HEATR5B: variants seen among roughly 807,000 people sequenced by gnomAD.
HEATR5B encodes the protein HEAT repeat containing 5B, also known as HEAT repeat-containing protein 5B.
Under a neutral mutation model 224.1 loss-of-function variants are expected in HEATR5B, and 156 were observed. The observed-to-expected ratio is 0.70, with a 90% confidence interval of 0.61 to 0.80. The LOEUF (loss-of-function observed/expected upper bound fraction) is 0.80. Ranked by LOEUF, HEATR5B falls within the 30% of genes least tolerant of loss-of-function variation. The probability of loss-of-function intolerance (pLI) is 0.00; values close to 1 mark genes in which losing one functional copy is unlikely to be tolerated. For synonymous variants in HEATR5B, 1,027 were observed against 893.0 expected, an observed-to-expected ratio of 1.15 and a Z score of -2.68; for missense variants, 2,323 against 2,535.5, an observed-to-expected ratio of 0.92 and a Z score of 1.80.
intron 18 of HEATR5B, among the ~76,000 whole-genome samples, chr2:37,044,031 T>A (rs1272186195): frequency 6.6e-6 from 1 of 152,150 alleles, no homozygotes; most frequent in Non-Finnish European, 1.5e-5. Context: ...ACTCAATATA[T>A]CCAAAATATT....
intron 17 of HEATR5B, among the ~76,000 whole-genome samples, chr2:37,052,045 C>T (rs1670589141): frequency 1.3e-5 from 2 of 152,112 alleles, no homozygotes; most frequent in Non-Finnish European, 2.9e-5. Context: ...CAGCCCCAAA[C>T]CCTTATTTCT....
At chr2:37,054,056 G>GA (rs756830404) in intron 16 of HEATR5B, among the ~76,000 whole-genome samples, 6 of 150,768 alleles carry the variant, frequency 4.0e-5, no homozygotes, top group South Asian at 2.1e-4. Flanking sequence ...AAGCTTTTGG[G>GA]AAAGTTCAAA....
At chr2:37,015,197 T>G (rs2148420479) in intron 26 of HEATR5B, among the ~76,000 whole-genome samples, 1 of 152,210 alleles carries the variant, frequency 6.6e-6, no homozygotes, top group Admixed American at 6.5e-5. Flanking sequence ...GAGGAAGAGA[T>G]GTGATTAGGA....
At chr2:37,004,439 T>C (rs1037899274) in intron 30 of HEATR5B, among the ~76,000 whole-genome samples, 1 of 151,180 alleles carries the variant, frequency 6.6e-6, no homozygotes, top group African/African-American at 2.4e-5. Context: ...TTATCACATG[T>C]CCCCCCTGCA....
chr2:37,052,212 A>T (rs1670602943), intron 17 of HEATR5B, among the ~76,000 whole-genome samples: 1 of 152,210 alleles, frequency 6.6e-6, no homozygotes, highest in Non-Finnish European at 1.5e-5. Context: ...ACACTTTATG[A>T]TAGAGTGCCT....
At chr2:37,008,961 T>A in intron 27 of HEATR5B, 113 bp from the exon 28 acceptor site, 1 of 800,400 alleles carries the variant, frequency 1.2e-6, no homozygotes, top group Non-Finnish European at 2.0e-6. Context: ...GTATAGATAT[T>A]AGAAAGTATA....
intron 18 of HEATR5B, among the ~76,000 whole-genome samples, chr2:37,048,805 A>G (rs955692249): frequency 2.6e-5 from 4 of 152,198 alleles, no homozygotes; most frequent in African/African-American, 9.6e-5. Context: ...TTACCAAATA[A>G]CGAATCAAAT....
At chr2:36,984,472 T>C (rs900679511) in intron 35 of HEATR5B, among the ~76,000 whole-genome samples, 1 of 151,764 alleles carries the variant, frequency 6.6e-6, no homozygotes, top group African/African-American at 2.4e-5. Context: ...GGGATTTTAT[T>C]TGGTTGGTTA....
At chr2:37,032,891 T>A (rs1669224384) in intron 21 of HEATR5B, 118 bp from the exon 22 acceptor site, 1 of 929,512 alleles carries the variant, frequency 1.1e-6, no homozygotes, top group Non-Finnish European at 1.5e-6. Flanking sequence ...TTTGTTTTTT[T>A]TTTTTTGAGA....
rs777717770 is a variant in HEATR5B, at chr2:37,002,301, C to T, written c.5317+5G>A. The T allele has an allele frequency of 3.4e-5, 55 of 1,613,934 alleles. No individual in the cohort carries two copies. In the Middle Eastern group the frequency reaches 1.3e-3, roughly 39 times the overall value. On this transcript the variant is annotated splice_donor_5th_base_variant and intron_variant, in intron 32 of 35. Transcript: ENST00000233099. The stretch of plus-strand genomic sequence containing the variant: ...TGCATTTCCAAATACTGATCAATAC[C>T]GTACCAGCGGGTGAACAAAGGGATG...
rs1257235848 is a variant in HEATR5B at position 37,049,584 on chromosome 2, C to T, written c.2696+69G>A. On this transcript the variant is annotated intron_variant, in intron 18 of 35. Coordinates refer to ENST00000233099, the MANE Select transcript of HEATR5B (RefSeq NM_019024.3). ...GTATACCATGTGGAAAACATAAACTCCAGTTGATTATTATTTAAAAGACAT... is the reference window on the plus strand; with the variant it reads ...GTATACCATGTGGAAAACATAAACTTCAGTTGATTATTATTTAAAAGACAT... 3.0e-6 allele frequency: 4 copies of T among 1,342,070 alleles called. No homozygotes were observed. In the African/African-American group the frequency reaches 4.4e-5, roughly 15 times the overall value. 83.1% of individuals were successfully genotyped at this position (1,342,070 alleles called of 1,614,324 possible).
chr2:37,024,001 T>G (rs1176050448), intron 24 of HEATR5B, among the ~76,000 whole-genome samples: 1 of 152,172 alleles, frequency 6.6e-6, no homozygotes, highest in Admixed American at 6.5e-5. Flanking sequence ...AACTGAGATA[T>G]GAACCAACCT....
intron 18 of HEATR5B, 82 bp downstream of exon 18, chr2:37,049,571 G>C: frequency 8.0e-7 from 1 of 1,249,932 alleles, no homozygotes; most frequent in South Asian, 1.3e-5. Context: ...ATACCATGTG[G>C]AAAACATAAA....
At chr2:36,999,391 A>G (rs1666939461) in intron 33 of HEATR5B, among the ~76,000 whole-genome samples, 1 of 152,092 alleles carries the variant, frequency 6.6e-6, no homozygotes, top group Non-Finnish European at 1.5e-5. Context: ...TAAATTCTGG[A>G]GAGAGGCCGG....
At chr2:37,045,314 G>A (rs992281891) in intron 18 of HEATR5B, among the ~76,000 whole-genome samples, 1 of 151,544 alleles carries the variant, frequency 6.6e-6, no homozygotes. Context: ...TTATGATGTT[G>A]AGTTGCTCCA....
rs940674631 is a variant in HEATR5B at position 36,990,562 on chromosome 2, T to C, written c.5697+86A>G. The C allele has an allele frequency of 3.1e-5, 38 of 1,217,562 alleles. 1 individual carries two copies. The South Asian group carries it at 4.8e-4, about 15-fold the overall frequency. The allele number at this position is 1,217,562 out of a possible 1,614,324, so 75.4% of individuals were successfully genotyped here. A position where few individuals can be genotyped will look rare whatever the true frequency, so the allele number is the denominator to read the frequency against. Reference sequence around the variant, plus strand: ...AGTGCAAATACTTAGCTTTTCATTATGTATCACATATTTTAATGAATCAAT... The same window carrying C: ...AGTGCAAATACTTAGCTTTTCATTACGTATCACATATTTTAATGAATCAAT... On this transcript the variant is annotated intron_variant, in intron 34 of 35. Transcript: ENST00000233099.
rs1030834393 is a variant in HEATR5B, at chr2:36,980,995, G to A, written c.*495C>T. ...CTAAAAGATCCATCAGAAAGATAAG[G>A]ACATTTTGGGAAATGCTTAGAAAAT... On this transcript the variant is annotated 3_prime_UTR_variant, in exon 36 of 36. Coordinates refer to ENST00000233099, the MANE Select transcript of HEATR5B (RefSeq NM_019024.3). 6.6e-6 allele frequency: 1 copy of A among 152,160 alleles called. No individual in the cohort carries two copies. The highest frequency in any genetic ancestry group is 2.4e-5 in the African/African-American group (1 of 41,420). The allele number at this position is 152,160 out of a possible 1,614,324, so 9.4% of individuals were successfully genotyped here.
chr2:37,056,711 A>T, intron 15 of HEATR5B, 96 bp from the exon 16 acceptor site: 1 of 951,126 alleles, frequency 1.1e-6, no homozygotes, highest in Non-Finnish European at 1.5e-6. Context: ...GAGAAAGGAG[A>T]AAAGGCAACA....
intron 12 of HEATR5B, among the ~76,000 whole-genome samples, chr2:37,060,313 A>T (rs986164170): frequency 2.6e-5 from 4 of 152,106 alleles, no homozygotes; most frequent in African/African-American, 9.7e-5. Context: ...GACAGGTAAG[A>T]TAGCAACAAG....
Sources: allele counts gnomAD v4.1 joint callset (sites outside exome capture counted in the v4.1 genomes callset), GRCh38; gene constraint gnomAD v4.1.1; transcripts MANE v1.5; gene names NCBI Gene and HGNC (gene_info 2026-07-23, HGNC 2026-07-21).